Variants in MAP7 observed in about 807,000 individuals in gnomAD.
MAP7 encodes the protein ensconsin.
A neutral mutation model predicts 94.8 loss-of-function variants in MAP7; 52 were observed. That is an observed-to-expected ratio of 0.55 (90% CI 0.44 to 0.69). The LOEUF is 0.69. Ranked by LOEUF, MAP7 falls within the 30% of genes least tolerant of loss-of-function variation. MAP7 has a pLI of 0.00. For missense variants in MAP7, 940 were observed against 964.6 expected, an observed-to-expected ratio of 0.97 and a Z score of 0.34; for synonymous variants, 350 against 357.0, an observed-to-expected ratio of 0.98 and a Z score of 0.22.
chr6:136,509,716 T>C (rs914452347), intron 1 of MAP7, among the ~76,000 whole-genome samples: 2 of 152,150 alleles, frequency 1.3e-5, no homozygotes, highest in Non-Finnish European at 2.9e-5. Context: ...TGCACCACCA[T>C]GCTGGGCTAT....
intron 1 of MAP7, among the ~76,000 whole-genome samples, chr6:136,465,553 G>C (rs1472186661): frequency 6.6e-6 from 1 of 152,124 alleles, no homozygotes; most frequent in Admixed American, 6.5e-5. Context: ...TTAAATATCA[G>C]GCAAGGCATT....
intron 1 of MAP7, among the ~76,000 whole-genome samples, chr6:136,541,886 C>T (rs1829353067): frequency 6.6e-6 from 1 of 152,048 alleles, no homozygotes; most frequent in South Asian, 2.1e-4. Context: ...CGGCAAAACC[C>T]CCTCTCTACT....
intron 3 of MAP7, among the ~76,000 whole-genome samples, chr6:136,402,649 G>A (rs1472512947): frequency 1.3e-5 from 2 of 152,228 alleles, no homozygotes; most frequent in African/African-American, 4.8e-5. Context: ...GCTCACGCCT[G>A]TAATCCCAGC....
intron 1 of MAP7, among the ~76,000 whole-genome samples, chr6:136,437,898 A>G (rs3799424): frequency 0.85 from 128,813 of 152,238 alleles, 54,573 homozygotes; most frequent in Admixed American, 0.88. Context: ...TTAGATTATT[A>G]TAAACCTTTA....
chr6:136,358,437 G>T (rs568413060), intron 15 of MAP7, among the ~76,000 whole-genome samples: 1 of 152,208 alleles, frequency 6.6e-6, no homozygotes, highest in East Asian at 1.9e-4. Flanking sequence ...ATGCAATGGG[G>T]TTATAATATA....
In MAP7 at chr6:136,356,667, T is replaced by A. The variant is rs1582652408; in HGVS notation, c.2015+25A>T. Reference sequence around the variant, plus strand: ...TGGGTAAAAACAGTAATGTTTTACTTTAATGAATGTCAGTGAAAACTCACC... The same window carrying A: ...TGGGTAAAAACAGTAATGTTTTACTATAATGAATGTCAGTGAAAACTCACC... On this transcript the variant is annotated intron_variant, in intron 16 of 17. Coordinates refer to ENST00000354570, the MANE Select transcript of MAP7 (RefSeq NM_003980.6). The A allele has an allele frequency of 3.2e-6, 5 of 1,572,572 alleles. No homozygotes were observed. The East Asian group carries it at 1.1e-4, about 35-fold the overall frequency.
intron 11 of MAP7, among the ~76,000 whole-genome samples, chr6:136,361,785 T>G (rs565520314): frequency 1.3e-5 from 2 of 152,334 alleles, no homozygotes; most frequent in East Asian, 3.9e-4. Context: ...TCATGGGGCA[T>G]GTAAAGATCC....
intron 1 of MAP7, among the ~76,000 whole-genome samples, chr6:136,533,977 A>G (rs1178197170): frequency 2.0e-5 from 3 of 152,198 alleles, no homozygotes; most frequent in African/African-American, 7.2e-5. Flanking sequence ...AAATTAAAAG[A>G]CATCCATTTT....
intron 1 of MAP7, among the ~76,000 whole-genome samples, chr6:136,542,343 A>C (rs1354334088): frequency 2.9e-4 from 44 of 152,244 alleles, no homozygotes; most frequent in Non-Finnish European, 7.3e-5. Flanking sequence ...TTTAGCTTAC[A>C]GAACCTTAGA....
intron 1 of MAP7, among the ~76,000 whole-genome samples, chr6:136,430,353 C>T (rs1226978772): frequency 1.3e-5 from 2 of 152,088 alleles, no homozygotes; most frequent in Non-Finnish European, 1.5e-5. Context: ...AATAGAAAAG[C>T]TTTCATACTT....
At chr6:136,450,649 T>G (rs770840141) in intron 1 of MAP7, among the ~76,000 whole-genome samples, 3 of 151,874 alleles carry the variant, frequency 2.0e-5, no homozygotes, top group Non-Finnish European at 4.4e-5. Flanking sequence ...CCAGGCATGG[T>G]GGCTCACGCC....
At chr6:136,545,582 T>C (rs1454300747) in intron 1 of MAP7, 3 of 152,254 alleles carry the variant, frequency 2.0e-5, no homozygotes, top group South Asian at 2.1e-4. Context: ...TTGACTTCGA[T>C]GAACAATCAT....
intron 1 of MAP7, among the ~76,000 whole-genome samples, chr6:136,515,773 A>G (rs1406959525): frequency 6.6e-6 from 1 of 152,224 alleles, no homozygotes; most frequent in Non-Finnish European, 1.5e-5. Flanking sequence ...ACAGATTACC[A>G]TAACAGATAG....
intron 1 of MAP7, among the ~76,000 whole-genome samples, chr6:136,458,865 A>C (rs1480592795): frequency 6.6e-6 from 1 of 152,116 alleles, no homozygotes; most frequent in African/African-American, 2.4e-5. Flanking sequence ...CTTGAGCATG[A>C]CATCAAAAAC....
intron 1 of MAP7, among the ~76,000 whole-genome samples, chr6:136,442,994 GTATATTTAAATATGGT>G (rs1340619961): frequency 6.6e-6 from 1 of 152,074 alleles, no homozygotes; most frequent in Non-Finnish European, 1.5e-5. Context: ...CTAAGGATAA[GTATATTTAAATATGGT>G]TATATTTAAA....
chr6:136,480,808 G>T (rs1583031392), intron 1 of MAP7, among the ~76,000 whole-genome samples: 2 of 152,070 alleles, frequency 1.3e-5, no homozygotes, highest in South Asian at 4.1e-4. Context: ...TCACAGGAAA[G>T]GAAACAATCA....
At chr6:136,376,903 G>A (rs1381307998) in intron 7 of MAP7, among the ~76,000 whole-genome samples, 2 of 152,156 alleles carry the variant, frequency 1.3e-5, no homozygotes, top group Non-Finnish European at 2.9e-5. Flanking sequence ...GGCTTGCAAG[G>A]GCAAAGCACT....
chr6:136,509,130 A>G (rs1219437165), intron 1 of MAP7, among the ~76,000 whole-genome samples: 2 of 152,222 alleles, frequency 1.3e-5, no homozygotes, highest in Non-Finnish European at 2.9e-5. Context: ...GGGCTGGAGC[A>G]TTCAATTTGC....
intron 3 of MAP7, among the ~76,000 whole-genome samples, chr6:136,408,503 T>G (rs1402476240): frequency 6.6e-6 from 1 of 152,184 alleles, no homozygotes; most frequent in Non-Finnish European, 1.5e-5. Flanking sequence ...CTCTCTACCT[T>G]GCTTTTTAAA....
Sources: allele counts gnomAD v4.1 joint callset (sites outside exome capture counted in the v4.1 genomes callset), GRCh38; gene constraint gnomAD v4.1.1; transcripts MANE v1.5; gene names NCBI Gene and HGNC (gene_info 2026-07-23, HGNC 2026-07-21).